Variants in GLRB observed in about 807,000 individuals in gnomAD.
GLRB encodes the protein glycine receptor beta, also known as glycine receptor subunit beta.
In GLRB, 33 loss-of-function variants were observed where a neutral mutation model predicts 54.2. The observed-to-expected ratio is 0.61, with a 90% CI of 0.46 to 0.81. The LOEUF (loss-of-function observed/expected upper bound fraction) is 0.81, where lower values mean the gene tolerates loss of function less well. GLRB is among the 40% of genes least tolerant of loss of function. The pLI, the probability that GLRB is intolerant of heterozygous loss-of-function variation, is 0.00. For missense variants in GLRB, 572 were observed against 584.6 expected (o/e 0.98, Z 0.22); for synonymous variants, 209 against 208.2 (o/e 1.00, Z -0.03).
Position 157,170,452 on chromosome 4 carries a change from A to G in GLRB, c.1218A>G (p.Lys406=), listed in dbSNP as rs1483045885. 6.2e-7 allele frequency: 1 copy of G among 1,605,036 alleles called. No individual in the cohort carries two copies. The highest frequency in any genetic ancestry group is 8.5e-7 in the Non-Finnish European group (1 of 1,172,216). Reference sequence around the variant, plus strand: ...CTTAGGTTGGTGAGACCAGATGCAAAAAAGTTTGTACTTCTAAGTCTGATC... The same window carrying G: ...CTTAGGTTGGTGAGACCAGATGCAAGAAAGTTTGTACTTCTAAGTCTGATC... ...STLQVGETRC[K]KVCTSKSDLR... Residue 406 remains lysine (K), a synonymous_variant, in exon 10 of 10, where the codon AAA becomes AAG. Coordinates refer to ENST00000264428, the MANE Select transcript of GLRB (RefSeq NM_000824.5).
chr4:157,099,320 A>T (rs1236014553), intron 2 of GLRB, among the ~76,000 whole-genome samples: 2 of 151,366 alleles, frequency 1.3e-5, no homozygotes, highest in African/African-American at 4.9e-5. Context: ...TGGGGTCATT[A>T]TGACTGAAGG....
chr4:157,079,146 T>C (rs1428263854), intron 2 of GLRB, among the ~76,000 whole-genome samples: 2 of 152,190 alleles, frequency 1.3e-5, no homozygotes, highest in African/African-American at 4.8e-5. Context: ...GTACAGTATA[T>C]AAGTAAACAA....
chr4:157,126,045 T>G (rs1426517739), intron 4 of GLRB, among the ~76,000 whole-genome samples: 1 of 151,786 alleles, frequency 6.6e-6, no homozygotes. Context: ...AGATATAACA[T>G]GAATAGCCAC....
intron 2 of GLRB, among the ~76,000 whole-genome samples, chr4:157,114,678 T>G (rs1735542780): frequency 6.6e-6 from 1 of 151,828 alleles, no homozygotes; most frequent in African/African-American, 2.4e-5. Flanking sequence ...TACTTACTTT[T>G]GATGACTGTG....
chr4:157,160,787 GC>G (rs751562897), intron 9 of GLRB, among the ~76,000 whole-genome samples: 1 of 152,150 alleles, frequency 6.6e-6, no homozygotes, highest in Non-Finnish European at 1.5e-5. Context: ...GTGATGTGGT[GC>G]TGAGAAGAAT....
intron 2 of GLRB, among the ~76,000 whole-genome samples, chr4:157,118,697 C>G (rs1396267447): frequency 6.6e-6 from 1 of 151,448 alleles, no homozygotes; most frequent in Non-Finnish European, 1.5e-5. Flanking sequence ...TCTGTTATAT[C>G]TCACCTACAA....
Position 157,112,969 on chromosome 4 carries a change from T to C in GLRB, c.123-7587T>C, listed in dbSNP as rs1328011443. Among the ~76,000 whole-genome samples the C allele has an allele frequency of 2.0e-5, 3 of 151,938 alleles. No homozygotes were observed. In the South Asian group the frequency reaches 6.2e-4, roughly 32 times the overall value. The stretch of plus-strand genomic sequence containing the variant: ...AGACCTCACCTAATTTAACCTTTGG[T>C]TTAAAGGTGAGTATACTGAAGCTCA... On this transcript the variant is annotated intron_variant, in intron 2 of 9. Coordinates refer to ENST00000264428, the MANE Select transcript of GLRB (RefSeq NM_000824.5).
rs918937050 is a variant in GLRB at position 157,170,490 on chromosome 4, A to T, written c.1256A>T (p.Asp419Val). 1.2e-6 allele frequency: 2 copies of T among 1,609,190 alleles called. No individual in the cohort carries two copies. The highest frequency in any genetic ancestry group is 1.7e-6 in the Non-Finnish European group (2 of 1,175,782). The change falls in exon 10 of 10, where the codon GAC becomes GTC. Residue 419 changes from aspartate (D) to valine (V), a missense_variant. By Grantham distance (152) the Asp-to-Val change is radical (BLOSUM62 -3). Transcript: ENST00000264428. ...CTSKSDLRSN[D>V]FSIVGSLPRD... is the part of the protein sequence containing the mutation. ...TCTAAGTCTGATCTGAGATCTAATG[A>T]CTTCAGCATTGTTGGAAGCTTACCA...
chr4:157,144,466 G>C (rs984816181), intron 8 of GLRB, among the ~76,000 whole-genome samples: 2 of 152,126 alleles, frequency 1.3e-5, no homozygotes, highest in African/African-American at 4.8e-5. Context: ...TTGCTCTCCA[G>C]TTTATTTTTA....
intron 2 of GLRB, among the ~76,000 whole-genome samples, chr4:157,119,868 C>G (rs748642080): frequency 6.6e-6 from 1 of 151,696 alleles, no homozygotes; most frequent in Non-Finnish European, 1.5e-5. Context: ...TTTGACCCAG[C>G]CATCCCATTA....
chr4:157,090,493 TA>T (rs1734571793), intron 2 of GLRB, among the ~76,000 whole-genome samples: 4 of 152,196 alleles, frequency 2.6e-5, no homozygotes. Context: ...CATGCAGACA[TA>T]AAATTGAAAA....
At chr4:157,162,806 C>A (rs1195699354) in intron 9 of GLRB, among the ~76,000 whole-genome samples, 1 of 152,192 alleles carries the variant, frequency 6.6e-6, no homozygotes, top group Non-Finnish European at 1.5e-5. Flanking sequence ...AGAAGGCAGT[C>A]TGTCCATTCT....
intron 2 of GLRB, among the ~76,000 whole-genome samples, chr4:157,085,935 ACT>A (rs1024435047): frequency 4.6e-5 from 7 of 151,838 alleles, no homozygotes; most frequent in African/African-American, 1.7e-4. Context: ...ATGTGAAACA[ACT>A]CTCTTATATT....
intron 2 of GLRB, among the ~76,000 whole-genome samples, chr4:157,093,010 G>A (rs1036163317): frequency 2.0e-5 from 3 of 152,064 alleles, no homozygotes; most frequent in Non-Finnish European, 4.4e-5. Context: ...TTTCATTAAT[G>A]TTCTTGCCAC....
intron 9 of GLRB, among the ~76,000 whole-genome samples, chr4:157,160,848 C>A (rs937548362): frequency 6.6e-6 from 1 of 152,008 alleles, no homozygotes; most frequent in South Asian, 2.1e-4. Context: ...TCTATTAGGC[C>A]CACTTGGTGC....
At chr4:157,119,429 A>G (rs1271233568) in intron 2 of GLRB, among the ~76,000 whole-genome samples, 1 of 151,538 alleles carries the variant, frequency 6.6e-6, no homozygotes, top group African/African-American at 2.4e-5. Context: ...ATTGTTCAAA[A>G]AATGTTCTTT....
intron 3 of GLRB, among the ~76,000 whole-genome samples, chr4:157,121,030 T>A (rs1404253829): frequency 1.3e-5 from 2 of 151,684 alleles, no homozygotes; most frequent in Non-Finnish European, 3.0e-5. Flanking sequence ...GAGTTATAAT[T>A]TGCAGAATGA....
chr4:157,101,644 G>A (rs958581059), intron 2 of GLRB, among the ~76,000 whole-genome samples: 8 of 151,814 alleles, frequency 5.3e-5, no homozygotes, highest in African/African-American at 1.7e-4. Context: ...TAACTTTTTC[G>A]AGTTTTTCCT....
chr4:157,101,862 A>G (rs1328607356), intron 2 of GLRB, among the ~76,000 whole-genome samples: 1 of 149,230 alleles, frequency 6.7e-6, no homozygotes, highest in Non-Finnish European at 1.5e-5. Context: ...TTAAAAAACT[A>G]GATGTATTTT....
Sources: gnomAD v4.1 joint callset for allele counts (sites outside exome capture counted in the v4.1 genomes callset) on GRCh38, gnomAD v4.1.1 for gene constraint, MANE v1.5 for transcripts, NCBI Gene and HGNC (gene_info 2026-07-23, HGNC 2026-07-21) for gene names.